TTI1: variants seen among roughly 807,000 people sequenced by gnomAD.
TTI1 encodes TELO2 interacting protein 1.
A neutral mutation model predicts 85.4 loss-of-function variants in TTI1; 52 were observed. The ratio of observed to expected loss-of-function variants is 0.61; its 90% CI spans 0.49 to 0.77. The LOEUF (loss-of-function observed/expected upper bound fraction) is 0.77, where lower values mean the gene tolerates loss of function less well. TTI1 is among the 30% of genes least tolerant of loss of function. TTI1 has a pLI of 0.00. For missense variants in TTI1, 1,173 were observed against 1,296.0 expected, an observed-to-expected ratio of 0.91 and a Z score of 1.46; for synonymous variants, 512 against 503.9, an observed-to-expected ratio of 1.02 and a Z score of -0.22.
intron 7 of TTI1, among the ~76,000 whole-genome samples, chr20:37,993,154 T>A (rs2073289729): frequency 6.8e-6 from 1 of 147,226 alleles, no homozygotes; most frequent in South Asian, 2.3e-4. Context: ...CAGTGACACC[T>A]GGTGGTAACA....
At chr20:38,017,431 T>TGCGC (rs1555795347) in intron 1 of TTI1, among the ~76,000 whole-genome samples, 9 of 149,794 alleles carry the variant, frequency 6.0e-5, no homozygotes, top group African/African-American at 2.0e-4. Context: ...TGTGTGTGTG[T>TGCGC]GTGTGCGCGC....
intron 1 of TTI1, among the ~76,000 whole-genome samples, chr20:38,020,323 A>AAAAAATAT: frequency 3.4e-3 from 171 of 50,362 alleles, no homozygotes; most frequent in Non-Finnish European, 4.3e-3. Flanking sequence ...AAAAAAAAAA[A>AAAAAATAT]ATATATATAT....
At chr20:37,997,548 T>C (rs987459804) in intron 5 of TTI1, among the ~76,000 whole-genome samples, 9 of 152,218 alleles carry the variant, frequency 5.9e-5, no homozygotes, top group Non-Finnish European at 1.0e-4. Flanking sequence ...AGATAGTTTC[T>C]TTGCATGTCT....
rs1465657937 is a variant in TTI1, at chr20:37,997,900, T to C, written c.2794-947A>G. Among the ~76,000 whole-genome samples the C allele has an allele frequency of 2.0e-5, 3 of 152,274 alleles. No individual in the cohort carries two copies. In the East Asian group the frequency reaches 5.8e-4, roughly 29 times the overall value. ...CGCCCTGCAGTACATCTGGATAAGA[T>C]TTAGCAATACCACCTCCCTCTCCCT... On this transcript the variant is annotated intron_variant, in intron 5 of 7. Coordinates refer to ENST00000373447, the MANE Select transcript of TTI1 (RefSeq NM_001303457.2).
intron 2 of TTI1, among the ~76,000 whole-genome samples, chr20:38,010,168 T>A (rs959143914): frequency 6.6e-6 from 1 of 152,212 alleles, no homozygotes; most frequent in Non-Finnish European, 1.5e-5. Context: ...TGAATGCTCA[T>A]GCATGAATAA....
chr20:37,997,615 C>G (rs1330701739), intron 5 of TTI1, among the ~76,000 whole-genome samples: 1 of 152,198 alleles, frequency 6.6e-6, no homozygotes, highest in Non-Finnish European at 1.5e-5. Flanking sequence ...CTGCACAAGA[C>G]TGAGTATACA....
chr20:37,995,480 G>A (rs762150720), intron 7 of TTI1, among the ~76,000 whole-genome samples: 24 of 152,256 alleles, frequency 1.6e-4, no homozygotes, highest in East Asian at 3.9e-4. Flanking sequence ...CAGGGATTCC[G>A]CTGCAGGCGT....
intron 1 of TTI1, among the ~76,000 whole-genome samples, chr20:38,028,458 T>A (rs1325659951): frequency 1.3e-5 from 2 of 152,184 alleles, no homozygotes; most frequent in Admixed American, 6.5e-5. Flanking sequence ...AACAGGTATA[T>A]CTACTAAGAA....
At chr20:38,014,896 A>G (rs1349400206) in intron 1 of TTI1, among the ~76,000 whole-genome samples, 1 of 152,230 alleles carries the variant, frequency 6.6e-6, no homozygotes, top group African/African-American at 2.4e-5. Context: ...CATGCTGGGA[A>G]GACTTACAAA....
intron 1 of TTI1, among the ~76,000 whole-genome samples, chr20:38,019,573 G>C (rs965278296): frequency 6.6e-6 from 1 of 151,984 alleles, no homozygotes; most frequent in African/African-American, 2.4e-5. Flanking sequence ...CAAGATTACA[G>C]GGCAGTAAAA....
intron 3 of TTI1, among the ~76,000 whole-genome samples, chr20:38,005,403 T>C (rs1368887041): frequency 6.6e-6 from 1 of 152,176 alleles, no homozygotes; most frequent in Non-Finnish European, 1.5e-5. Flanking sequence ...AACTCCCTTC[T>C]TCTTTATCAT....
At chr20:37,996,048 T>A (rs2073333397) in intron 7 of TTI1, among the ~76,000 whole-genome samples, 1 of 152,144 alleles carries the variant, frequency 6.6e-6, no homozygotes, top group African/African-American at 2.4e-5. Flanking sequence ...AGCCAAGGCA[T>A]GAAGAAGTGC....
chr20:38,029,697 T>C (rs2073881689), intron 1 of TTI1, among the ~76,000 whole-genome samples: 3 of 152,298 alleles, frequency 2.0e-5, no homozygotes, highest in East Asian at 3.9e-4. Context: ...GGGAATGCTA[T>C]GGTTTGAATA....
Position 37,984,916 on chromosome 20 carries a change from C to CAATG in TTI1, c.3087-1281_3087-1278dup, listed in dbSNP as rs202025575. Among the ~76,000 whole-genome samples the CAATG allele has an allele frequency of 8.0e-3, 1,216 of 152,310 alleles. 6 individuals are homozygous for CAATG. The highest frequency in any genetic ancestry group is 0.023 in the African/African-American group (948 of 41,562). Reference sequence around the variant, plus strand: ...TTTCCCCTGCAATGTGTCCATGTAACAATGAGTTCTCATTTTAATGAGGAC... The same window carrying CAATG: ...TTTCCCCTGCAATGTGTCCATGTAACAATGAATGAGTTCTCATTTTAATGAGGAC... On this transcript the variant is annotated intron_variant, in intron 7 of 7. Coordinates refer to ENST00000373447, the MANE Select transcript of TTI1 (RefSeq NM_001303457.2).
chr20:38,007,324 C>T (rs1328282391), intron 2 of TTI1, among the ~76,000 whole-genome samples: 1 of 152,168 alleles, frequency 6.6e-6, no homozygotes, highest in African/African-American at 2.4e-5. Flanking sequence ...TTCGGTGGTG[C>T]TCAAATACCT....
chr20:37,984,730 A>G (rs1194828021), intron 7 of TTI1, among the ~76,000 whole-genome samples: 3 of 152,182 alleles, frequency 2.0e-5, no homozygotes, highest in Non-Finnish European at 4.4e-5. Context: ...CACCTTTCCT[A>G]GCACATATTG....
At chr20:37,992,433 C>A (rs1033752130) in intron 7 of TTI1, among the ~76,000 whole-genome samples, 1 of 152,068 alleles carries the variant, frequency 6.6e-6, no homozygotes, top group Non-Finnish European at 1.5e-5. Context: ...CACACCACCA[C>A]GCCTGGCTAA....
intron 1 of TTI1, among the ~76,000 whole-genome samples, chr20:38,024,970 T>C (rs563977998): frequency 6.6e-6 from 1 of 152,180 alleles, no homozygotes; most frequent in Admixed American, 6.5e-5. Flanking sequence ...AGTGGGGAGT[T>C]GGGACTGCCA....
At chr20:38,017,961 T>C (rs2073708814) in intron 1 of TTI1, among the ~76,000 whole-genome samples, 1 of 152,206 alleles carries the variant, frequency 6.6e-6, no homozygotes, top group Admixed American at 6.5e-5. Flanking sequence ...GCTCAATCCC[T>C]GAAATACGTC....
Sources: gnomAD v4.1 joint callset for allele counts (sites outside exome capture counted in the v4.1 genomes callset) on GRCh38, gnomAD v4.1.1 for gene constraint, MANE v1.5 for transcripts, NCBI Gene and HGNC (gene_info 2026-07-23, HGNC 2026-07-21) for gene names.